Variants in ADAMTS6 observed in about 807,000 individuals in gnomAD.
The protein encoded by ADAMTS6 is ADAM metallopeptidase with thrombospondin type 1 motif 6.
In ADAMTS6, 23 loss-of-function variants were observed where a neutral mutation model predicts 144.3. The ratio of observed to expected loss-of-function variants is 0.16; its 90% CI spans 0.11 to 0.23. The LOEUF (loss-of-function observed/expected upper bound fraction) is 0.23, where lower values mean the gene tolerates loss of function less well. ADAMTS6 is among the 10% of genes least tolerant of loss of function. The pLI is 1.00. For synonymous variants in ADAMTS6, 444 were observed against 457.5 expected (o/e 0.97, Z 0.38); for missense variants, 999 against 1,379.6 (o/e 0.72, Z 4.37).
intron 9 of ADAMTS6, among the ~76,000 whole-genome samples, chr5:65,315,756 G>A (rs1226051695): frequency 6.6e-6 from 1 of 151,972 alleles, no homozygotes. Flanking sequence ...GGATAAGAAT[G>A]ACATTACATA....
chr5:65,212,048 G>A (rs1756567346), intron 20 of ADAMTS6, among the ~76,000 whole-genome samples: 1 of 152,160 alleles, frequency 6.6e-6, no homozygotes, highest in Non-Finnish European at 1.5e-5. Flanking sequence ...ACTTGAGCGA[G>A]CAACAAAATC....
At chr5:65,452,339 ACTTAGAACTCTAC>A (rs1758818676) in intron 5 of ADAMTS6, 123 bp from the exon 6 acceptor site, 8 of 719,464 alleles carry the variant, frequency 1.1e-5, no homozygotes, top group Non-Finnish European at 1.8e-5. Context: ...ACCCCATATC[ACTTAGAACTCTAC>A]CTTCAAGGTG....
At chr5:65,227,171 T>C (rs1311965507) in intron 15 of ADAMTS6, among the ~76,000 whole-genome samples, 2 of 152,166 alleles carry the variant, frequency 1.3e-5, no homozygotes, top group African/African-American at 4.8e-5. Flanking sequence ...AGGATAAATA[T>C]AAAATATAGT....
At chr5:65,458,485 C>T (rs550537177) in intron 4 of ADAMTS6, among the ~76,000 whole-genome samples, 2 of 152,288 alleles carry the variant, frequency 1.3e-5, no homozygotes, top group African/African-American at 2.4e-5. Context: ...AATCTGTGCT[C>T]ACTGCAACCT....
chr5:65,197,666 A>G (rs1755474129), intron 20 of ADAMTS6, among the ~76,000 whole-genome samples: 1 of 152,130 alleles, frequency 6.6e-6, no homozygotes, highest in South Asian at 2.1e-4. Flanking sequence ...CCGTTTATAT[A>G]TTTATCTCTC....
At chr5:65,424,136 G>A (rs935918789) in intron 7 of ADAMTS6, among the ~76,000 whole-genome samples, 1 of 152,020 alleles carries the variant, frequency 6.6e-6, no homozygotes, top group Non-Finnish European at 1.5e-5. Flanking sequence ...CTTTTTCCTT[G>A]AAGCATAGCT....
At chr5:65,378,615 A>T (rs1223770845) in intron 7 of ADAMTS6, among the ~76,000 whole-genome samples, 1 of 152,142 alleles carries the variant, frequency 6.6e-6, no homozygotes, top group Non-Finnish European at 1.5e-5. Flanking sequence ...AGGGATTTTC[A>T]TCCCCCTAAA....
At chr5:65,381,344 G>C (rs1178039445) in intron 7 of ADAMTS6, among the ~76,000 whole-genome samples, 1 of 151,332 alleles carries the variant, frequency 6.6e-6, no homozygotes, top group Non-Finnish European at 1.5e-5. Flanking sequence ...AAAGCAAAAT[G>C]GAAACTATGA....
chr5:65,232,292 A>T (rs1321692810), intron 15 of ADAMTS6, among the ~76,000 whole-genome samples: 1 of 152,184 alleles, frequency 6.6e-6, no homozygotes, highest in Non-Finnish European at 1.5e-5. Context: ...ACTTAACTTT[A>T]CATCTCAAGG....
chr5:65,263,729 A>C (rs1761395615), intron 12 of ADAMTS6, among the ~76,000 whole-genome samples: 1 of 152,238 alleles, frequency 6.6e-6, no homozygotes. Context: ...TCTTATTTGC[A>C]GAATATGGCA....
At chr5:65,428,929 A>C (rs1271805684) in intron 7 of ADAMTS6, among the ~76,000 whole-genome samples, 2 of 152,216 alleles carry the variant, frequency 1.3e-5, no homozygotes, top group Non-Finnish European at 2.9e-5. Context: ...TGAAATTGAA[A>C]ATAAATTTAC....
rs560211088 is a variant in ADAMTS6 at position 65,381,397 on chromosome 5, C to G, written c.1074-47312G>C. Among the ~76,000 whole-genome samples, 13 of 150,704 alleles carry G rather than the reference C, an allele frequency of 8.6e-5. No homozygotes were observed. The South Asian group carries it at 1.7e-3, about 19-fold the overall frequency. The stretch of plus-strand genomic sequence containing the variant: ...TTTTTTTTTGAGATGGAGTCTCACT[C>G]TGTCGCCCAGGCTGGAGTGCAAGGG... On this transcript the variant is annotated intron_variant, in intron 7 of 24. Coordinates refer to ENST00000381055, the MANE Select transcript of ADAMTS6 (RefSeq NM_197941.4).
chr5:65,167,202 T>A (rs373001193), intron 24 of ADAMTS6, among the ~76,000 whole-genome samples: 13,625 of 149,002 alleles, frequency 0.091, 740 homozygotes, highest in Non-Finnish European at 0.12. Flanking sequence ...AAAGGGGATA[T>A]CACCACTGAT....
chr5:65,158,834 C>T (rs1752580462), intron 24 of ADAMTS6, among the ~76,000 whole-genome samples: 1 of 152,170 alleles, frequency 6.6e-6, no homozygotes, highest in Admixed American at 6.5e-5. Flanking sequence ...CTCCCATTTC[C>T]CTCTTGCTAT....
At chr5:65,348,002 T>G (rs751836987) in intron 7 of ADAMTS6, among the ~76,000 whole-genome samples, 8 of 152,194 alleles carry the variant, frequency 5.3e-5, no homozygotes, top group Non-Finnish European at 1.2e-4. Context: ...AGAATGACTA[T>G]CATCAAAAAG....
At chr5:65,402,404 T>G (rs865861156) in intron 7 of ADAMTS6, among the ~76,000 whole-genome samples, 1 of 152,168 alleles carries the variant, frequency 6.6e-6, no homozygotes, top group Non-Finnish European at 1.5e-5. Flanking sequence ...TGACCTCAAG[T>G]AAGACCTTAG....
At chr5:65,272,124 A>T (rs890838497) in intron 12 of ADAMTS6, among the ~76,000 whole-genome samples, 4 of 152,210 alleles carry the variant, frequency 2.6e-5, no homozygotes, top group Non-Finnish European at 5.9e-5. Context: ...AAAAGCTTTC[A>T]TTCTTTTTTA....
chr5:65,210,736 G>T, intron 20 of ADAMTS6: 1 of 645,900 alleles, frequency 1.5e-6, no homozygotes, highest in East Asian at 3.0e-5. Context: ...GAATGTTTCA[G>T]ATTACATGTG....
At chr5:65,220,015 G>C (rs1757203309) in intron 18 of ADAMTS6, among the ~76,000 whole-genome samples, 2 of 152,162 alleles carry the variant, frequency 1.3e-5, no homozygotes, top group South Asian at 2.1e-4. Context: ...CCAAAGGATA[G>C]TTGTGTCCTT....
Sources: gnomAD v4.1 joint callset for allele counts (sites outside exome capture counted in the v4.1 genomes callset) on GRCh38, gnomAD v4.1.1 for gene constraint, MANE v1.5 for transcripts, NCBI Gene and HGNC (gene_info 2026-07-23, HGNC 2026-07-21) for gene names.